Variants in NR3C2 observed in about 807,000 individuals in gnomAD.
The protein encoded by NR3C2 is nuclear receptor subfamily 3 group C member 2, also known as mineralocorticoid receptor.
In NR3C2, 15 loss-of-function variants were observed where a neutral mutation model predicts 86.4. The ratio of observed to expected loss-of-function variants is 0.17; its 90% confidence interval spans 0.12 to 0.27. The LOEUF (loss-of-function observed/expected upper bound fraction) is 0.27. Ranked by LOEUF, NR3C2 falls within the 10% of genes least tolerant of loss-of-function variation. The probability of loss-of-function intolerance (pLI) is 1.00; values close to 1 mark genes in which losing one functional copy is unlikely to be tolerated. For synonymous variants in NR3C2, 458 were observed against 450.5 expected, an observed-to-expected ratio of 1.02 and a Z score of -0.21; for missense variants, 960 against 1,195.6, an observed-to-expected ratio of 0.80 and a Z score of 2.91.
At chr4:148,380,452 T>G (rs1746915107) in intron 2 of NR3C2, among the ~76,000 whole-genome samples, 1 of 152,224 alleles carries the variant, frequency 6.6e-6, no homozygotes, top group African/African-American at 2.4e-5. Context: ...TGTGAACATA[T>G]ATTTTCAGCT....
At chr4:148,376,777 A>G (rs1236891558) in intron 2 of NR3C2, among the ~76,000 whole-genome samples, 1 of 152,208 alleles carries the variant, frequency 6.6e-6, no homozygotes, top group Non-Finnish European at 1.5e-5. Context: ...TTTTAAAAAT[A>G]GACTAAATAA....
chr4:148,333,111 GA>G (rs1017642691), intron 2 of NR3C2, among the ~76,000 whole-genome samples: 8 of 147,970 alleles, frequency 5.4e-5, no homozygotes, highest in African/African-American at 1.2e-4. Flanking sequence ...ACTAAAAAAA[GA>G]AAAAAAAAAT....
At chr4:148,301,112 C>T (rs949565352) in intron 2 of NR3C2, among the ~76,000 whole-genome samples, 3 of 152,026 alleles carry the variant, frequency 2.0e-5, no homozygotes, top group Non-Finnish European at 2.9e-5. Flanking sequence ...TAAAGGGCTC[C>T]ACCCAGAGGC....
intron 3 of NR3C2, among the ~76,000 whole-genome samples, chr4:148,220,237 C>T (rs1737766947): frequency 1.3e-5 from 2 of 152,074 alleles, no homozygotes; most frequent in Non-Finnish European, 2.9e-5. Context: ...CAGGCACGCA[C>T]CACCAAACCC....
At chr4:148,214,736 C>T (rs1193471861) in intron 3 of NR3C2, among the ~76,000 whole-genome samples, 1 of 152,200 alleles carries the variant, frequency 6.6e-6, no homozygotes, top group African/African-American at 2.4e-5. Context: ...TCAGGGCTTG[C>T]CAATGGCTGG....
At chr4:148,426,299 G>A (rs1479804504) in intron 2 of NR3C2, among the ~76,000 whole-genome samples, 2 of 152,226 alleles carry the variant, frequency 1.3e-5, no homozygotes, top group East Asian at 3.9e-4. Flanking sequence ...ATCTGTCAAT[G>A]GCTCTTAGGT....
intron 3 of NR3C2, among the ~76,000 whole-genome samples, chr4:148,250,587 C>T (rs1019909701): frequency 4.5e-4 from 69 of 152,308 alleles, no homozygotes; most frequent in Middle Eastern, 3.4e-3. Context: ...AGCCAATCTA[C>T]TGCCAAACTA....
intron 8 of NR3C2, among the ~76,000 whole-genome samples, chr4:148,111,313 C>G (rs779283332): frequency 1.3e-5 from 2 of 152,094 alleles, no homozygotes; most frequent in Non-Finnish European, 2.9e-5. Context: ...GAAAGTAAAC[C>G]GACTAACCAC....
At chr4:148,098,827 T>A (rs1731411620) in intron 8 of NR3C2, among the ~76,000 whole-genome samples, 1 of 152,236 alleles carries the variant, frequency 6.6e-6, no homozygotes, top group Admixed American at 6.5e-5. Flanking sequence ...ATCAATCATT[T>A]AAAACTATCT....
chr4:148,268,294 G>C (rs892325118), intron 2 of NR3C2, among the ~76,000 whole-genome samples: 6 of 152,006 alleles, frequency 3.9e-5, no homozygotes, highest in African/African-American at 1.5e-4. Context: ...ATTATTTAGC[G>C]GGAATATTTG....
At chr4:148,182,285 G>T (rs747435409) in intron 4 of NR3C2, among the ~76,000 whole-genome samples, 73 of 152,128 alleles carry the variant, frequency 4.8e-4, no homozygotes, top group Admixed American at 1.4e-3. Context: ...TTAAGTGTAA[G>T]ATTGCTGGTG....
chr4:148,241,151 C>A (rs1739012623), intron 3 of NR3C2, among the ~76,000 whole-genome samples: 1 of 151,296 alleles, frequency 6.6e-6, no homozygotes, highest in Admixed American at 6.6e-5. Flanking sequence ...ACTAAAAATA[C>A]AAAAATTAGC....
chr4:148,382,708 T>C (rs1324947031), intron 2 of NR3C2, among the ~76,000 whole-genome samples: 1 of 152,226 alleles, frequency 6.6e-6, no homozygotes, highest in Non-Finnish European at 1.5e-5. Context: ...AAAAATGCTA[T>C]ATATAGCAGT....
At chr4:148,140,580 G>T (rs1446183401) in intron 6 of NR3C2, among the ~76,000 whole-genome samples, 2 of 152,138 alleles carry the variant, frequency 1.3e-5, no homozygotes, top group African/African-American at 4.8e-5. Context: ...ATTTTATATA[G>T]AAAAGAAGAG....
intron 4 of NR3C2, among the ~76,000 whole-genome samples, chr4:148,190,285 G>A (rs6535588): frequency 0.13 from 19,810 of 152,096 alleles, 1,398 homozygotes; most frequent in African/African-American, 0.16. Context: ...TCTTGATTTT[G>A]TTTTTGACCC....
At chr4:148,189,515 T>G (rs748238258) in intron 4 of NR3C2, among the ~76,000 whole-genome samples, 2 of 152,202 alleles carry the variant, frequency 1.3e-5, no homozygotes, top group African/African-American at 2.4e-5. Context: ...TTTGGTTATG[T>G]TCTTTCCTGG....
chr4:148,384,513 T>C (rs1425083262), intron 2 of NR3C2, among the ~76,000 whole-genome samples: 1 of 152,164 alleles, frequency 6.6e-6, no homozygotes, highest in African/African-American at 2.4e-5. Context: ...CCACAAATAC[T>C]ATGCATATCA....
intron 8 of NR3C2, among the ~76,000 whole-genome samples, chr4:148,090,105 T>C (rs1441574154): frequency 6.6e-6 from 1 of 152,176 alleles, no homozygotes; most frequent in Non-Finnish European, 1.5e-5. Flanking sequence ...GCGTCCTTTA[T>C]CTACAACTCA....
chr4:148,220,265 T>G lies in NR3C2; in HGVS notation c.1898-25403A>C, dbSNP rs112837651. Among the ~76,000 whole-genome samples, 1,294 of 152,196 alleles carry G rather than the reference T, an allele frequency of 8.5e-3. 15 individuals are homozygous for G. Among genetic ancestry groups the G allele is most frequent in the African/African-American group, 0.029 (1,201 of 41,522 alleles). Reference sequence around the variant, plus strand: ...CCAAACCCAGATAATGTTTTAATTTTTTTGTAGAGACGGGGTCTCACTATG... The same window carrying G: ...CCAAACCCAGATAATGTTTTAATTTGTTTGTAGAGACGGGGTCTCACTATG... On this transcript the variant is annotated intron_variant, in intron 3 of 8. Coordinates refer to ENST00000358102, the MANE Select transcript of NR3C2 (RefSeq NM_000901.5).
Sources: allele counts gnomAD v4.1 joint callset (sites outside exome capture counted in the v4.1 genomes callset), GRCh38; gene constraint gnomAD v4.1.1; transcripts MANE v1.5; gene names NCBI Gene and HGNC (gene_info 2026-07-23, HGNC 2026-07-21).